SPTB: variants seen among roughly 807,000 people sequenced by gnomAD.
The protein encoded by SPTB is spectrin beta chain, erythrocytic.
Under a neutral mutation model 256.2 loss-of-function variants are expected in SPTB, and 45 were observed. That is an observed-to-expected ratio of 0.18 (90% CI 0.14 to 0.23). SPTB has a LOEUF of 0.23. SPTB is among the 10% of genes least tolerant of loss of function. The pLI is 1.00. For missense variants in SPTB, 2,715 were observed against 3,040.4 expected (o/e 0.89, Z 2.52); for synonymous variants, 1,231 against 1,243.1 (o/e 0.99, Z 0.21).
At chr14:64,829,694 C>T (rs1328987494) in intron 1 of SPTB, among the ~76,000 whole-genome samples, 3 of 152,072 alleles carry the variant, frequency 2.0e-5, no homozygotes, top group African/African-American at 4.8e-5. Context: ...CTTTTATACA[C>T]GCTTGAAATT....
In SPTB at chr14:64,779,061, G is replaced by A; in HGVS notation, c.4563+96C>T. 1 of 904,202 alleles carries A rather than the reference G, an allele frequency of 1.1e-6. No individual in the cohort carries two copies. 56.0% of individuals were successfully genotyped at this position (904,202 alleles called of 1,614,324 possible). The stretch of plus-strand genomic sequence containing the variant: ...CCAACAAGAACAATAATCTGCTGTT[G>A]CTAGCCTTCTGCAGGTCAGGGCTGG... On this transcript the variant is annotated intron_variant, in intron 22 of 35. Coordinates refer to ENST00000644917, the MANE Select transcript of SPTB (RefSeq NM_001355436.2). The surrounding 1 kb of genome is among the most constrained non-coding windows in gnomAD (Gnocchi z 4.2).
intron 1 of SPTB, among the ~76,000 whole-genome samples, chr14:64,865,241 C>A (rs948841537): frequency 6.6e-6 from 1 of 151,950 alleles, no homozygotes; most frequent in Non-Finnish European, 1.5e-5. Context: ...TCACCAGACT[C>A]TGCTGCTCAC....
intron 2 of SPTB, among the ~76,000 whole-genome samples, chr14:64,822,176 A>G (rs913169561): frequency 6.7e-6 from 1 of 150,346 alleles, no homozygotes; most frequent in African/African-American, 2.5e-5. Flanking sequence ...TGTAACTCAA[A>G]CTTTCTTATT....
Position 64,778,341 on chromosome 14 carries a change from G to T in SPTB, c.4563+816C>A, listed in dbSNP as rs779252475. Among the ~76,000 whole-genome samples the T allele has an allele frequency of 6.6e-6, 1 of 152,084 alleles. No individual in the cohort carries two copies. Among genetic ancestry groups the T allele is most frequent in the Non-Finnish European group, 1.5e-5 (1 of 68,008 alleles). ...TCCTCAAGGAGCTGCAATACTAACCGGGCACTCTGGGACATGTCACTTTTA... is the reference window on the plus strand; with the variant it reads ...TCCTCAAGGAGCTGCAATACTAACCTGGCACTCTGGGACATGTCACTTTTA... On this transcript the variant is annotated intron_variant, in intron 22 of 35. Coordinates refer to ENST00000644917, the MANE Select transcript of SPTB (RefSeq NM_001355436.2). This position sits in a 1 kb window ranked among gnomAD's most constrained non-coding sequence, Gnocchi z 5.2.
chr14:64,808,114 G>A lies in SPTB; in HGVS notation c.149-3024C>T, dbSNP rs149994903. 3.3e-4 allele frequency among the ~76,000 whole-genome samples: 50 copies of A among 152,346 alleles called. 2 individuals are homozygous for A. The East Asian group carries it at 9.6e-3, about 29-fold the overall frequency. ...TGCAACCTCCGCCTTCTGGGTTCAA[G>A]CAATTCTCTTGCCTCAGCCTCCTGA... On this transcript the variant is annotated intron_variant, in intron 2 of 35. Transcript: ENST00000644917.
At position 64,764,327 on chromosome 14, in the gene SPTB, C is replaced by T. The variant is rs979159261; in HGVS notation, c.6345+2399G>A. Among the ~76,000 whole-genome samples the T allele has an allele frequency of 3.3e-5, 5 of 152,242 alleles. No individual in the cohort carries two copies. The highest frequency in any genetic ancestry group is 3.2e-3 in the Middle Eastern group (1 of 316). On this transcript the variant is annotated intron_variant, in intron 32 of 35. Transcript: ENST00000644917. This position sits in a 1 kb window ranked among gnomAD's most constrained non-coding sequence, Gnocchi z 4.2. ...GTGGATGGGGTATTAGGCCCTCCCT[C>T]TGAGGTTCGTGGATCCCCATGAGAA...
At chr14:64,784,133 C>T in intron 19 of SPTB, 114 bp downstream of exon 19, 1 of 1,509,670 alleles carries the variant, frequency 6.6e-7, no homozygotes, top group Non-Finnish European at 9.1e-7. Context: ...TTGTTCGCTG[C>T]CACGTTCTGT....
intron 30 of SPTB, 92 bp downstream of exon 30, chr14:64,767,571 A>G: frequency 6.5e-7 from 1 of 1,529,256 alleles, no homozygotes; most frequent in Non-Finnish European, 9.0e-7. Flanking sequence ...CACCATTCTA[A>G]GTACCTAACA....
intron 33 of SPTB, chr14:64,752,412 A>G (rs2081965719): frequency 2.1e-6 from 1 of 485,474 alleles, no homozygotes; most frequent in Non-Finnish European, 3.5e-6. Flanking sequence ...AGCTGGCTGC[A>G]AAGCCATTTT....
intron 3 of SPTB, among the ~76,000 whole-genome samples, chr14:64,804,153 G>A (rs1253734479): frequency 6.6e-6 from 1 of 152,208 alleles, no homozygotes; most frequent in Non-Finnish European, 1.5e-5. Context: ...GTAATTTTTA[G>A]CTTGGTGATT....
rs199594314 is a variant in SPTB, at chr14:64,793,513, C to T, written c.2150G>A (p.Arg717His). The T allele has an allele frequency of 2.6e-5, 42 of 1,614,078 alleles. No homozygotes were observed. The highest frequency in any genetic ancestry group is 2.5e-4 in the South Asian group (23 of 91,080). The change falls in exon 14 of 36, where the codon CGC becomes CAC. Residue 717 changes from arginine to histidine, a missense_variant. By Grantham distance (29) the Arg-to-His change is conservative (BLOSUM62 0). Around this residue, in one of 4 missense-constraint regions of SPTB, gnomAD observed 2,239 missense variants for 2,384.4 expected, o/e 0.94. Coordinates refer to ENST00000644917, the MANE Select transcript of SPTB (RefSeq NM_001355436.2). This position sits in a 1 kb window ranked among gnomAD's most constrained non-coding sequence, Gnocchi z 7.0. ...CCACTGTGCCGACACCTCCTTTATG[C>T]GGGCCTCGATCTGCGGGTGCCCAAA... Reference protein sequence around the residue: ...KQFGHPQIEARIKEVSAQWDQ... With the variant: ...KQFGHPQIEAHIKEVSAQWDQ...
chr14:64,849,023 G>T (rs1416152338), intron 1 of SPTB, among the ~76,000 whole-genome samples: 1 of 152,146 alleles, frequency 6.6e-6, no homozygotes, highest in Non-Finnish European at 1.5e-5. Context: ...CTCCCCAAAA[G>T]CTCTGAAAGA....
rs947682364 is a variant in SPTB at position 64,807,823 on chromosome 14, C to T, written c.149-2733G>A. 2.0e-5 allele frequency among the ~76,000 whole-genome samples: 3 copies of T among 152,230 alleles called. No homozygotes were observed. Among genetic ancestry groups the T allele is most frequent in the East Asian group, 1.9e-4 (1 of 5,184 alleles). The stretch of plus-strand genomic sequence containing the variant: ...GGAAGAGAGGTGGCTGTACACTGGG[C>T]CTGCTGTCCCCAGGGGACCCAGGCC... On this transcript the variant is annotated intron_variant, in intron 2 of 35. Transcript: ENST00000644917. This position sits in a 1 kb window ranked among gnomAD's most constrained non-coding sequence, Gnocchi z 4.7.
At chr14:64,817,722 G>A (rs966766581) in intron 2 of SPTB, among the ~76,000 whole-genome samples, 1 of 152,384 alleles carries the variant, frequency 6.6e-6, no homozygotes, top group Non-Finnish European at 1.5e-5. Context: ...AAAGGGGCCT[G>A]AGGGAGAGGC....
Position 64,772,560 on chromosome 14 carries a change from C to T in SPTB, c.5553+20G>A, listed in dbSNP as rs776569471. ...CTCCTGGAAATTGGTAGCAGGTGGGCGGCAGGGGGCTGAAGGTACCTGGAC... is the reference window on the plus strand; with the variant it reads ...CTCCTGGAAATTGGTAGCAGGTGGGTGGCAGGGGGCTGAAGGTACCTGGAC... On this transcript the variant is annotated intron_variant, in intron 26 of 35. Transcript: ENST00000644917. This position sits in a 1 kb window ranked among gnomAD's most constrained non-coding sequence, Gnocchi z 5.4. 48 of 1,601,082 alleles carry T rather than the reference C, an allele frequency of 3.0e-5. No individual in the cohort carries two copies. Among genetic ancestry groups the T allele is most frequent in the South Asian group, 6.6e-5 (6 of 90,928 alleles).
rs1168434499 is a variant in SPTB at position 64,827,135 on chromosome 14, A to G, written c.-51-3990T>C. Among the ~76,000 whole-genome samples the G allele has an allele frequency of 6.6e-6, 1 of 152,126 alleles. No individual in the cohort carries two copies. The highest frequency in any genetic ancestry group is 1.9e-4 in the East Asian group (1 of 5,198). On this transcript the variant is annotated intron_variant, in intron 1 of 35. Transcript: ENST00000644917. The surrounding 1 kb of genome is among the most constrained non-coding windows in gnomAD (Gnocchi z 4.6). The stretch of plus-strand genomic sequence containing the variant: ...TCCTCTCCCAGCCTGCAGGGTGCTG[A>G]CGGAGCCCAAGCTAGGACCCATGTC...
intron 2 of SPTB, among the ~76,000 whole-genome samples, chr14:64,817,081 C>T (rs2083205374): frequency 6.6e-6 from 1 of 152,172 alleles, no homozygotes. Flanking sequence ...AGGGAAGCAG[C>T]CTTGGTTCTG....
chr14:64,779,740 G>C lies in SPTB; in HGVS notation c.4458C>G (p.Asp1486Glu). Residue 1486 changes from aspartate to glutamate, a missense_variant, in exon 21 of 36, where the codon GAC (aspartate) becomes GAG (glutamate). Asp to Glu is a conservative substitution (Grantham distance 45). This residue lies in a region of SPTB where 2,239 missense variants were observed against 2,384.4 expected (regional missense o/e 0.94). Transcript: ENST00000644917. The surrounding 1 kb of genome is among the most constrained non-coding windows in gnomAD (Gnocchi z 4.2). ...SSRAKLQISRDLEDETLWVEE... is the reference protein window; with the variant it reads ...SSRAKLQISRELEDETLWVEE... ...GCCCACGCACCGTCTCATCCTCTAA[G>C]TCCCGGCTGATCTGCAGCTTGGCTC... The C allele has an allele frequency of 1.2e-6, 2 of 1,614,142 alleles. No homozygotes were observed. Among genetic ancestry groups the C allele is most frequent in the Non-Finnish European group, 1.7e-6 (2 of 1,180,020 alleles).
intron 2 of SPTB, among the ~76,000 whole-genome samples, chr14:64,821,315 G>A (rs199541962): frequency 1.3e-5 from 2 of 152,268 alleles, no homozygotes; most frequent in East Asian, 3.9e-4. Context: ...ATTCATCTCT[G>A]TGGTTCCCCT....
Sources: gnomAD v4.1 joint callset for allele counts (sites outside exome capture counted in the v4.1 genomes callset) on GRCh38, gnomAD v4.1.1 for gene constraint, gnomAD v4.1.1 regional missense constraint, Gnocchi (gnomAD v3.1) non-coding constraint, MANE v1.5 for transcripts, NCBI Gene and HGNC (gene_info 2026-07-23, HGNC 2026-07-21) for gene names.